The following INPP5A variants were observed in gnomAD, a reference collection of about 807,000 sequenced individuals.
INPP5A encodes the protein inositol polyphosphate-5-phosphatase A.
Under a neutral mutation model 65.2 loss-of-function variants are expected in INPP5A, and 14 were observed. The ratio of observed to expected loss-of-function variants is 0.21; its 90% CI spans 0.14 to 0.34. The LOEUF (loss-of-function observed/expected upper bound fraction) is 0.34. INPP5A is among the 10% of genes least tolerant of loss of function. The pLI is 1.00. For missense variants in INPP5A, 431 were observed against 545.6 expected (o/e 0.79, Z 2.09); for synonymous variants, 207 against 208.3 (o/e 0.99, Z 0.05).
rs1185771875 is a variant in INPP5A at position 132,663,694 on chromosome 10, G to A, written c.306+13189G>A. ...GTTTGCAGTGGAGTCTGTGCCTGTG[G>A]CAGCCGTCTGCATGACTTTGGGTCA... is the stretch of plus-strand genomic sequence containing the variant. On this transcript the variant is annotated intron_variant, in intron 4 of 15. Transcript: ENST00000368594. The surrounding 1 kb of genome is among the most constrained non-coding windows in gnomAD (Gnocchi z 4.5). Among the ~76,000 whole-genome samples the A allele has an allele frequency of 1.3e-5, 2 of 152,202 alleles. No homozygotes were observed. The highest frequency in any genetic ancestry group is 6.5e-5 in the Admixed American group (1 of 15,272).
At chr10:132,572,240 G>A (rs187348745) in intron 1 of INPP5A, among the ~76,000 whole-genome samples, 4 of 152,302 alleles carry the variant, frequency 2.6e-5, no homozygotes, top group East Asian at 3.9e-4. Context: ...GTGGCCCATG[G>A]GGGGGCCTTC....
chr10:132,718,144 A>G (rs12774127), intron 8 of INPP5A, among the ~76,000 whole-genome samples: 103 of 112,322 alleles, frequency 9.2e-4, no homozygotes, highest in South Asian at 1.2e-3. Context: ...CGCCTTAGAC[A>G]GCTGTCTTCA....
Position 132,538,206 on chromosome 10 carries a change from C to T in INPP5A, c.75+35C>T, listed in dbSNP as rs2070865588. On this transcript the variant is annotated intron_variant, in intron 1 of 15. Coordinates refer to ENST00000368594, the MANE Select transcript of INPP5A (RefSeq NM_005539.5). The surrounding 1 kb of genome is among the most constrained non-coding windows in gnomAD (Gnocchi z 4.1). Reference sequence around the variant, plus strand: ...CCGTGCCGGCGGCAGGCCCCAAGCCCGGAACCCCCGACCCTGACCCCGGGG... The same window carrying T: ...CCGTGCCGGCGGCAGGCCCCAAGCCTGGAACCCCCGACCCTGACCCCGGGG... The T allele has an allele frequency of 1.6e-6, 2 of 1,226,724 alleles. No homozygotes were observed. Among genetic ancestry groups the T allele is most frequent in the South Asian group, 6.0e-5 (2 of 33,104 alleles). The allele number at this position is 1,226,724 out of a possible 1,614,324, so 76.0% of individuals were successfully genotyped here. A position where few individuals can be genotyped will look rare whatever the true frequency, so the allele number is the denominator to read the frequency against.
chr10:132,682,266 G>A (rs145774067), intron 4 of INPP5A, among the ~76,000 whole-genome samples: 10 of 149,692 alleles, frequency 6.7e-5, no homozygotes, highest in Admixed American at 1.3e-4. Context: ...GTTGCTGGTC[G>A]GGAACAGTCT....
chr10:132,630,076 C>G (rs1022095829), intron 2 of INPP5A, among the ~76,000 whole-genome samples: 2 of 151,702 alleles, frequency 1.3e-5, no homozygotes, highest in African/African-American at 2.4e-5. Context: ...GATAGGGTAC[C>G]CTCTAGGGAA....
chr10:132,749,162 G>C (rs573316442), intron 9 of INPP5A, among the ~76,000 whole-genome samples: 1 of 152,370 alleles, frequency 6.6e-6, no homozygotes, highest in South Asian at 2.1e-4. Context: ...GAGGAGGCCG[G>C]CCATGTGCCC....
rs1271219741 is a variant in INPP5A at position 132,547,105 on chromosome 10, G to A, written c.75+8934G>A. 6.6e-6 allele frequency among the ~76,000 whole-genome samples: 1 copy of A among 152,252 alleles called. No homozygotes were observed. Among genetic ancestry groups the A allele is most frequent in the African/African-American group, 2.4e-5 (1 of 41,472 alleles). ...GGAAATCCCGCCTTCAGTGCCAGGT[G>A]CCAGGCCACAGTCCAGGTTCACGTG... On this transcript the variant is annotated intron_variant, in intron 1 of 15. Coordinates refer to ENST00000368594, the MANE Select transcript of INPP5A (RefSeq NM_005539.5). This position sits in a 1 kb window ranked among gnomAD's most constrained non-coding sequence, Gnocchi z 5.5.
chr10:132,729,404 C>T (rs1846042580), intron 9 of INPP5A, among the ~76,000 whole-genome samples: 1 of 152,204 alleles, frequency 6.6e-6, no homozygotes, highest in Non-Finnish European at 1.5e-5. Flanking sequence ...TAAAGAGTTC[C>T]TCTCACACAG....
rs1457925070 is a variant in INPP5A at position 132,637,852 on chromosome 10, C to T, written c.118-8016C>T. ...CTCCCGTCCTGTTCTGCCTCACGGT[C>T]GTTTTCCTCAGGTCGGGCACGTTTT... On this transcript the variant is annotated intron_variant, in intron 2 of 15. Transcript: ENST00000368594. The surrounding 1 kb of genome is among the most constrained non-coding windows in gnomAD (Gnocchi z 4.1). Among the ~76,000 whole-genome samples, 3 of 152,126 alleles carry T rather than the reference C, an allele frequency of 2.0e-5. No homozygotes were observed. Among genetic ancestry groups the T allele is most frequent in the Non-Finnish European group, 2.9e-5 (2 of 68,026 alleles).
At chr10:132,664,125 T>G (rs879214744) in intron 4 of INPP5A, among the ~76,000 whole-genome samples, 1 of 152,204 alleles carries the variant, frequency 6.6e-6, no homozygotes, top group Non-Finnish European at 1.5e-5. Flanking sequence ...ACAGTTTAGC[T>G]TGTTGTTCTG....
chr10:132,761,780 A>C (rs1288612550), intron 11 of INPP5A, among the ~76,000 whole-genome samples: 2 of 152,228 alleles, frequency 1.3e-5, no homozygotes, highest in African/African-American at 4.8e-5. Flanking sequence ...TACAGTTGCA[A>C]ACTGTGAACC....
At chr10:132,564,304 T>A (rs1467634554) in intron 1 of INPP5A, among the ~76,000 whole-genome samples, 1 of 152,100 alleles carries the variant, frequency 6.6e-6, no homozygotes, top group East Asian at 1.9e-4. Flanking sequence ...TTACGGATCT[T>A]ATGGAGGAGT....
intron 9 of INPP5A, among the ~76,000 whole-genome samples, chr10:132,738,241 C>T (rs1015216276): frequency 3.3e-5 from 5 of 152,230 alleles, no homozygotes; most frequent in African/African-American, 4.8e-5. Flanking sequence ...GCAGGTCTCT[C>T]GTGCCAAGGC....
intron 11 of INPP5A, among the ~76,000 whole-genome samples, chr10:132,756,142 G>C (rs1846605251): frequency 6.6e-6 from 1 of 152,164 alleles, no homozygotes; most frequent in South Asian, 2.1e-4. Flanking sequence ...GGCCCGGTCA[G>C]GAATTGAAGA....
chr10:132,695,943 C>G (rs1044331014), intron 5 of INPP5A, among the ~76,000 whole-genome samples: 4 of 152,138 alleles, frequency 2.6e-5, no homozygotes, highest in African/African-American at 9.7e-5. Flanking sequence ...ACCTCCTAAC[C>G]CCTAAGGTGA....
rs1045203878 is a variant in INPP5A, at chr10:132,545,390, C to T, written c.75+7219C>T. ...TGAGGGGGCTGCCTACGGCAGGAGA[C>T]GGCAGGTCTCTCTGAGCTGTGGGGC... On this transcript the variant is annotated intron_variant, in intron 1 of 15. Coordinates refer to ENST00000368594, the MANE Select transcript of INPP5A (RefSeq NM_005539.5). The surrounding 1 kb of genome is among the most constrained non-coding windows in gnomAD (Gnocchi z 4.6). 8.5e-5 allele frequency among the ~76,000 whole-genome samples: 13 copies of T among 152,232 alleles called. No individual in the cohort carries two copies. Among genetic ancestry groups the T allele is most frequent in the Admixed American group, 3.3e-4 (5 of 15,304 alleles).
intron 14 of INPP5A, among the ~76,000 whole-genome samples, chr10:132,781,191 AT>A (rs983379049): frequency 6.6e-6 from 1 of 152,220 alleles, no homozygotes; most frequent in Non-Finnish European, 1.5e-5. Context: ...AAAATACATA[AT>A]TTAATATTTG....
At chr10:132,708,728 C>T (rs779934818) in intron 7 of INPP5A, among the ~76,000 whole-genome samples, 9 of 152,268 alleles carry the variant, frequency 5.9e-5, no homozygotes, top group Non-Finnish European at 1.0e-4. Context: ...GGCGTAAGCG[C>T]TGCCTGGCAG....
intron 1 of INPP5A, among the ~76,000 whole-genome samples, chr10:132,583,840 T>G (rs1005829563): frequency 1.3e-5 from 2 of 152,142 alleles, no homozygotes; most frequent in Non-Finnish European, 2.9e-5. Context: ...CCAGCACTTT[T>G]GGAGGCCAAG....
Sources: allele counts gnomAD v4.1 joint callset (sites outside exome capture counted in the v4.1 genomes callset), GRCh38; gene constraint gnomAD v4.1.1; non-coding constraint Gnocchi (gnomAD v3.1); transcripts MANE v1.5; gene names NCBI Gene and HGNC (gene_info 2026-07-23, HGNC 2026-07-21).